Variants in DOC2B observed in about 807,000 individuals in gnomAD.
DOC2B encodes double C2 domain beta, also known as double C2-like domain-containing protein beta.
A neutral mutation model predicts 28.9 loss-of-function variants in DOC2B; 21 were observed. The observed-to-expected ratio is 0.73, with a 90% CI of 0.52 to 1.05. The LOEUF is 1.05. Among genes scored for constraint, DOC2B ranks in the 50% least tolerant of loss-of-function variants. DOC2B has a pLI of 0.00. For synonymous variants in DOC2B, 194 were observed against 178.1 expected (o/e 1.09, Z -0.71); for missense variants, 384 against 421.1 (o/e 0.91, Z 0.77).
intron 1 of DOC2B, among the ~76,000 whole-genome samples, chr17:176,866 G>A (rs1353620916): frequency 1.3e-5 from 2 of 152,144 alleles, no homozygotes; most frequent in African/African-American, 2.4e-5. Flanking sequence ...TAATTACAGA[G>A]CTTTAATGGG....
chr17:180,625 C>G (rs1411906475), intron 1 of DOC2B, among the ~76,000 whole-genome samples: 1 of 152,058 alleles, frequency 6.6e-6, no homozygotes, highest in Non-Finnish European at 1.5e-5. Context: ...GGGCCGCTCC[C>G]AGCCTCGGGC....
intron 6 of DOC2B, among the ~76,000 whole-genome samples, chr17:155,051 G>A (rs2040118385): frequency 6.6e-6 from 1 of 152,022 alleles, no homozygotes; most frequent in Admixed American, 6.6e-5. Context: ...ATTTTTAACT[G>A]TAGAGACAAG....
intron 2 of DOC2B, among the ~76,000 whole-genome samples, chr17:168,908 A>G (rs1043420188): frequency 1.2e-4 from 19 of 152,224 alleles, no homozygotes; most frequent in Non-Finnish European, 2.5e-4. Context: ...TAAATTACAC[A>G]GTCTCAGGTA....
chr17:177,182 AG>A (rs1200620726), intron 1 of DOC2B, among the ~76,000 whole-genome samples: 1 of 152,148 alleles, frequency 6.6e-6, no homozygotes, highest in Non-Finnish European at 1.5e-5. Flanking sequence ...CCGGCACTGC[AG>A]GGGGGACAGA....
intron 5 of DOC2B, among the ~76,000 whole-genome samples, chr17:158,788 T>C (rs968609788): frequency 6.6e-6 from 1 of 152,202 alleles, no homozygotes; most frequent in Admixed American, 6.5e-5. Context: ...CTCATGCCTG[T>C]AACCCCAGCA....
chr17:163,886 G>A (rs192955203), intron 3 of DOC2B: 5 of 451,356 alleles, frequency 1.1e-5, no homozygotes, highest in African/African-American at 9.6e-5. Context: ...CAGATCAGCA[G>A]GTAGGTAACG....
chr17:177,012 T>C (rs1947933768), intron 1 of DOC2B, among the ~76,000 whole-genome samples: 1 of 146,646 alleles, frequency 6.8e-6, no homozygotes, highest in East Asian at 2.1e-4. Flanking sequence ...CCCTTGGGAA[T>C]AGGAAATCTG....
rs2040002208 is a variant in DOC2B at position 144,057 on chromosome 17, G to A, written c.*3384C>T. 7.1e-6 allele frequency: 1 copy of A among 140,470 alleles called. No individual in the cohort carries two copies. Among genetic ancestry groups the A allele is most frequent in the African/African-American group, 2.6e-5 (1 of 38,090 alleles). 8.7% of individuals were successfully genotyped at this position (140,470 alleles called of 1,614,324 possible). ...TCGGGGCTGGAAGACGGGCCCGTCG[G>A]GGATTGGCGCAGGCGGCGGGCGGGG... On this transcript the variant is annotated 3_prime_UTR_variant, in exon 9 of 9. Coordinates refer to ENST00000613549, the MANE Select transcript of DOC2B (RefSeq NM_003585.5).
chr17:149,038 G>C, intron 7 of DOC2B, 73 bp downstream of exon 7: 1 of 392,366 alleles, frequency 2.5e-6, no homozygotes, highest in Non-Finnish European at 4.5e-6. Context: ...ATGACCTTTT[G>C]AAAACCCAGC....
At chr17:159,619 G>A (rs1389032540) in intron 5 of DOC2B, among the ~76,000 whole-genome samples, 2 of 152,152 alleles carry the variant, frequency 1.3e-5, no homozygotes, top group Non-Finnish European at 2.9e-5. Flanking sequence ...GCAAGACTCA[G>A]TCTCAAAAAA....
chr17:162,238 C>T (rs1555523354), intron 3 of DOC2B, 48 bp from the exon 4 acceptor site: 1 of 1,398,616 alleles, frequency 7.1e-7, no homozygotes, highest in East Asian at 2.5e-5. Flanking sequence ...GTGTATCAAA[C>T]AGAACAATGG....
intron 7 of DOC2B, among the ~76,000 whole-genome samples, chr17:148,906 TC>T (rs1213109260): frequency 1.6e-5 from 2 of 123,480 alleles, no homozygotes; most frequent in East Asian, 4.8e-4. Flanking sequence ...AACACTTCCC[TC>T]CCCCCAGCCC....
At chr17:162,705 T>C (rs1177118549) in intron 3 of DOC2B, among the ~76,000 whole-genome samples, 3 of 152,214 alleles carry the variant, frequency 2.0e-5, no homozygotes, top group Non-Finnish European at 4.4e-5. Context: ...TTTGTGGTCA[T>C]TTGTTGCAGC....
chr17:157,398 G>C (rs374858920), intron 5 of DOC2B, among the ~76,000 whole-genome samples: 16 of 152,286 alleles, frequency 1.1e-4, no homozygotes, highest in Admixed American at 1.0e-3. Flanking sequence ...GTCATGGCCT[G>C]GTGTGGCCCC....
At position 147,218 on chromosome 17, in the gene DOC2B, C is replaced by T. The variant is rs965470651; in HGVS notation, c.*223G>A. On this transcript the variant is annotated 3_prime_UTR_variant, in exon 9 of 9. Transcript: ENST00000613549. Reference sequence around the variant, plus strand: ...CTTTCCACCACCGGCCTCTTGGGCCCCAGAGAGCTGAGAGCCCCCCACCCC... The same window carrying T: ...CTTTCCACCACCGGCCTCTTGGGCCTCAGAGAGCTGAGAGCCCCCCACCCC... The T allele has an allele frequency of 3.4e-4, 131 of 389,738 alleles. No individual in the cohort carries two copies. The highest frequency in any genetic ancestry group is 5.3e-4 in the Non-Finnish European group (116 of 220,926). 24.1% of individuals were successfully genotyped at this position (389,738 alleles called of 1,614,324 possible). A position where few individuals can be genotyped will look rare whatever the true frequency, so the allele number is the denominator to read the frequency against.
chr17:162,829 T>C (rs938082392), intron 3 of DOC2B, among the ~76,000 whole-genome samples: 10 of 152,132 alleles, frequency 6.6e-5, no homozygotes, highest in African/African-American at 2.2e-4. Context: ...TTCCCTGCCT[T>C]TGTGGACCGT....
intron 6 of DOC2B, among the ~76,000 whole-genome samples, chr17:151,615 A>G (rs867568726): frequency 2.6e-5 from 4 of 152,254 alleles, no homozygotes; most frequent in Middle Eastern, 3.4e-3. Context: ...GGATTTCCTT[A>G]GTTACTTACT....
intron 1 of DOC2B, among the ~76,000 whole-genome samples, chr17:177,828 C>A (rs1447188027): frequency 2.6e-5 from 4 of 152,280 alleles, no homozygotes; most frequent in Non-Finnish European, 4.4e-5. Flanking sequence ...CCCATGGGGG[C>A]TGGAATATGC....
chr17:158,707 T>TG lies in DOC2B; in HGVS notation c.766-2331dup, dbSNP rs1361982475. 2.6e-5 allele frequency among the ~76,000 whole-genome samples: 4 copies of TG among 152,366 alleles called. No homozygotes were observed. The East Asian group carries it at 7.7e-4, about 29-fold the overall frequency. On this transcript the variant is annotated intron_variant, in intron 5 of 8. Coordinates refer to ENST00000613549, the MANE Select transcript of DOC2B (RefSeq NM_003585.5). ...TTTGTGTGTGAGGGCCTTGATGCCC[T>TG]GTGCTGCTTGTGTCAGTGTGTGTGG... is the stretch of plus-strand genomic sequence containing the variant.
Sources: gnomAD v4.1 joint callset for allele counts (sites outside exome capture counted in the v4.1 genomes callset) on GRCh38, gnomAD v4.1.1 for gene constraint, MANE v1.5 for transcripts, NCBI Gene and HGNC (gene_info 2026-07-23, HGNC 2026-07-21) for gene names.